The following LAMA2 variants were observed in gnomAD, a reference collection of about 807,000 sequenced individuals.
LAMA2 encodes laminin subunit alpha-2.
LAMA2 carries 269 observed loss-of-function variants against 364.8 expected under a neutral mutation model. That is an observed-to-expected ratio of 0.74 (90% CI 0.67 to 0.82). LAMA2 has a LOEUF of 0.82. Among genes scored for constraint, LAMA2 ranks in the 40% least tolerant of loss-of-function variants. The pLI is 0.00. For synonymous variants in LAMA2, 1,379 were observed against 1,370.6 expected (o/e 1.01, Z -0.14); for missense variants, 3,807 against 3,873.2 (o/e 0.98, Z 0.45).
chr6:129,009,633 A>G (rs1253430803), intron 1 of LAMA2, among the ~76,000 whole-genome samples: 1 of 152,198 alleles, frequency 6.6e-6, no homozygotes, highest in Non-Finnish European at 1.5e-5. Flanking sequence ...GAGGACAAAA[A>G]CTGTTGAAAT....
intron 1 of LAMA2, among the ~76,000 whole-genome samples, chr6:128,984,136 C>T (rs1326427950): frequency 1.3e-5 from 2 of 152,012 alleles, no homozygotes; most frequent in African/African-American, 4.8e-5. Flanking sequence ...CAAATTTCAC[C>T]CTTTCCCTTC....
At chr6:129,181,888 C>T (rs1054260738) in intron 10 of LAMA2, among the ~76,000 whole-genome samples, 3 of 151,754 alleles carry the variant, frequency 2.0e-5, no homozygotes, top group South Asian at 4.2e-4. Context: ...AACCTGTCAA[C>T]CAGCAAGACA....
In LAMA2 at chr6:129,192,784, C is replaced by G. The variant is rs755646653; in HGVS notation, c.1713C>G (p.Asn571Lys). 3.1e-6 allele frequency: 5 copies of G among 1,614,144 alleles called. No homozygotes were observed. The South Asian group carries it at 5.5e-5, about 18-fold the overall frequency. The change falls in exon 12 of 65, where the codon AAC (asparagine) becomes AAG (lysine). Residue 571 changes from asparagine (N) to lysine (K), a missense_variant. Physicochemically the swap from Asn to Lys is moderately conservative, Grantham distance 94. Around this residue, in one of 3 missense-constraint regions of LAMA2, gnomAD observed 3,333 missense variants for 3,345.7 expected, o/e 1.00. Coordinates refer to ENST00000421865, the MANE Select transcript of LAMA2 (RefSeq NM_000426.4). Reference protein sequence around the residue: ...LDSPQQISISNAEARQALPHS... With the variant: ...LDSPQQISISKAEARQALPHS... ...CACCTCAGCAGATCAGCATCAGTAA[C>G]GCGGAGGCCCGGCAAGCCCTGCCGC...
intron 9 of LAMA2, among the ~76,000 whole-genome samples, chr6:129,173,027 C>T (rs897020203): frequency 2.6e-5 from 4 of 152,234 alleles, no homozygotes; most frequent in Admixed American, 6.5e-5. Flanking sequence ...CGCCCTGCTT[C>T]GGCTCGCGCA....
chr6:129,022,491 C>T (rs987445992), intron 1 of LAMA2, among the ~76,000 whole-genome samples: 1 of 152,112 alleles, frequency 6.6e-6, no homozygotes, highest in East Asian at 1.9e-4. Context: ...TTCTCAGTTG[C>T]AAAATTTTCT....
Position 129,442,290 on chromosome 6 carries a change from A to T in LAMA2, c.6269-773A>T, listed in dbSNP as rs368280138. On this transcript the variant is annotated intron_variant, in intron 43 of 64. Transcript: ENST00000421865. ...TACGACTCCTTCATGAGCAAGGAAGAGTACAAACACATATAACATAAACTT... is the reference window on the plus strand; with the variant it reads ...TACGACTCCTTCATGAGCAAGGAAGTGTACAAACACATATAACATAAACTT... 10 of 1,156,150 alleles carry T rather than the reference A, an allele frequency of 8.6e-6. No individual in the cohort carries two copies. In the South Asian group the frequency reaches 1.2e-4, roughly 14 times the overall value. The allele number at this position is 1,156,150 out of a possible 1,614,324, so 71.6% of individuals were successfully genotyped here. A position where few individuals can be genotyped will look rare whatever the true frequency, so the allele number is the denominator to read the frequency against.
chr6:129,305,800 C>G (rs1773830723), intron 22 of LAMA2, among the ~76,000 whole-genome samples: 3 of 150,280 alleles, frequency 2.0e-5, no homozygotes, highest in Non-Finnish European at 3.0e-5. Flanking sequence ...TTTGCTTTTG[C>G]TTGCCTTATC....
rs1301391732 is a variant in LAMA2 at position 129,270,525 on chromosome 6, C to CT, written c.2323-98dup. On this transcript the variant is annotated intron_variant, in intron 16 of 64. Coordinates refer to ENST00000421865, the MANE Select transcript of LAMA2 (RefSeq NM_000426.4). ...ATTTAACATGGAAAAATTATTCTTGCTGGCAGGGAGCAGACTAATGACTTC... is the reference window on the plus strand; with the variant it reads ...ATTTAACATGGAAAAATTATTCTTGCTTGGCAGGGAGCAGACTAATGACTTC... 2.9e-5 allele frequency: 34 copies of CT among 1,185,540 alleles called. No homozygotes were observed. The East Asian group carries it at 3.5e-4, about 12-fold the overall frequency. The allele number at this position is 1,185,540 out of a possible 1,614,324, so 73.4% of individuals were successfully genotyped here.
At chr6:129,506,547 A>G (rs1562633872) in intron 61 of LAMA2, among the ~76,000 whole-genome samples, 1 of 152,126 alleles carries the variant, frequency 6.6e-6, no homozygotes, top group Admixed American at 6.5e-5. Flanking sequence ...TAAAGCCCTC[A>G]CAGTTTTGTA....
At chr6:129,273,357 C>CTCG (rs1185640432) in intron 17 of LAMA2, among the ~76,000 whole-genome samples, 1 of 152,182 alleles carries the variant, frequency 6.6e-6, no homozygotes, top group East Asian at 1.9e-4. Flanking sequence ...CATCTGGCCA[C>CTCG]TCGTATTGCA....
chr6:128,934,651 A>G (rs1018961804), intron 1 of LAMA2, among the ~76,000 whole-genome samples: 1 of 151,914 alleles, frequency 6.6e-6, no homozygotes, highest in African/African-American at 2.4e-5. Flanking sequence ...ACAGGTGCAC[A>G]CCACCATGCC....
At chr6:129,217,008 A>G (rs1783468249) in intron 12 of LAMA2, among the ~76,000 whole-genome samples, 1 of 151,952 alleles carries the variant, frequency 6.6e-6, no homozygotes, top group South Asian at 2.1e-4. Flanking sequence ...GGCCAACATG[A>G]CGAAACCCTG....
intron 53 of LAMA2, among the ~76,000 whole-genome samples, chr6:129,477,474 A>ATGAT (rs1181052834): frequency 2.0e-5 from 3 of 152,286 alleles, no homozygotes; most frequent in Admixed American, 1.3e-4. Flanking sequence ...TGTAGGTACT[A>ATGAT]TGATTATTAT....
rs998652075 is a variant in LAMA2 at position 128,890,515 on chromosome 6, A to G, written c.112+7158A>G. On this transcript the variant is annotated intron_variant, in intron 1 of 64. Coordinates refer to ENST00000421865, the MANE Select transcript of LAMA2 (RefSeq NM_000426.4). The stretch of plus-strand genomic sequence containing the variant: ...TGGAAGAACAAAAAATAAAATGTGT[A>G]GTCTTGAAGGGTCTTTTTCATTTAA... Among the ~76,000 whole-genome samples the G allele has an allele frequency of 4.0e-5, 6 of 150,382 alleles. No individual in the cohort carries two copies. The East Asian group carries it at 1.2e-3, about 29-fold the overall frequency.
In LAMA2 at chr6:129,122,597, T is replaced by A. The variant is rs1776861690; in HGVS notation, c.640-21304T>A. 3.9e-5 allele frequency among the ~76,000 whole-genome samples: 6 copies of A among 152,330 alleles called. 1 individual carries two copies. The South Asian group carries it at 1.2e-3, about 32-fold the overall frequency. On this transcript the variant is annotated intron_variant, in intron 4 of 64. Transcript: ENST00000421865. ...TTCCTAAGGGTTTTTACATGAACGT[T>A]TATTCCTTGTCTTTTTGTGTGGATT...
intron 12 of LAMA2, among the ~76,000 whole-genome samples, chr6:129,194,431 C>T (rs1011579157): frequency 2.6e-5 from 4 of 151,914 alleles, no homozygotes; most frequent in Non-Finnish European, 5.9e-5. Context: ...ATGGAATATT[C>T]GGTAGAATCA....
At chr6:129,104,057 T>C (rs1264669421) in intron 4 of LAMA2, among the ~76,000 whole-genome samples, 1 of 152,060 alleles carries the variant, frequency 6.6e-6, no homozygotes, top group African/African-American at 2.4e-5. Flanking sequence ...CAGGTTCTCA[T>C]TGTGTTGATC....
At chr6:129,297,559 C>A in intron 20 of LAMA2, 126 bp from the exon 21 acceptor site, 1 of 830,784 alleles carries the variant, frequency 1.2e-6, no homozygotes, top group Non-Finnish European at 2.0e-6. Context: ...ATTGTCATAA[C>A]ATCAGTGAGG....
intron 1 of LAMA2, among the ~76,000 whole-genome samples, chr6:129,048,342 G>T (rs1165171829): frequency 6.6e-6 from 1 of 152,084 alleles, no homozygotes; most frequent in Non-Finnish European, 1.5e-5. Flanking sequence ...TCAAGATCTA[G>T]AGATCTTGGT....
Sources: gnomAD v4.1 joint callset for allele counts (sites outside exome capture counted in the v4.1 genomes callset) on GRCh38, gnomAD v4.1.1 for gene constraint, gnomAD v4.1.1 regional missense constraint, MANE v1.5 for transcripts, NCBI Gene and HGNC (gene_info 2026-07-23, HGNC 2026-07-21) for gene names.